Variants in GLIS3 observed in about 807,000 individuals in gnomAD.
The protein encoded by GLIS3 is GLIS family zinc finger 3, also known as zinc finger protein GLIS3.
A neutral mutation model predicts 78.6 loss-of-function variants in GLIS3; 53 were observed. The ratio of observed to expected loss-of-function variants is 0.67; its 90% CI spans 0.54 to 0.85. GLIS3 has a LOEUF of 0.85. GLIS3 is among the 40% of genes least tolerant of loss of function. The pLI is 0.00. For synonymous variants in GLIS3, 684 were observed against 509.9 expected, an observed-to-expected ratio of 1.34 and a Z score of -4.60; for missense variants, 1,703 against 1,231.1, an observed-to-expected ratio of 1.38 and a Z score of -5.74.
At position 3,922,034 on chromosome 9, in the gene GLIS3, G is replaced by C. The variant is rs1244431611; in HGVS notation, c.1983+10326C>G. Among the ~76,000 whole-genome samples, 5 of 151,990 alleles carry C rather than the reference G, an allele frequency of 3.3e-5. No homozygotes were observed. In the East Asian group the frequency reaches 9.6e-4, roughly 29 times the overall value. On this transcript the variant is annotated intron_variant, in intron 6 of 10. Coordinates refer to ENST00000381971, the MANE Select transcript of GLIS3 (RefSeq NM_001042413.2). Reference sequence around the variant, plus strand: ...TCAAACAAACTGTTACAAATTTTGGGGAAGTCATTTTGGCAATATGTTGTA... The same window carrying C: ...TCAAACAAACTGTTACAAATTTTGGCGAAGTCATTTTGGCAATATGTTGTA...
intron 4 of GLIS3, among the ~76,000 whole-genome samples, chr9:4,024,376 G>T (rs1588475814): frequency 6.6e-6 from 1 of 152,296 alleles, no homozygotes; most frequent in East Asian, 1.9e-4. Flanking sequence ...TGTGTGGATA[G>T]AATTTATTAT....
the GLIS3 span, among the ~76,000 whole-genome samples, chr9:4,476,047 C>T: frequency 6.6e-6 from 1 of 151,896 alleles, no homozygotes; most frequent in Non-Finnish European, 1.5e-5. Context: ...ACATGCCTGG[C>T]CTGATTATAT....
intron 2 of GLIS3, among the ~76,000 whole-genome samples, chr9:4,259,322 C>T (rs945096520): frequency 2.6e-5 from 4 of 151,782 alleles, no homozygotes; most frequent in African/African-American, 7.3e-5. Context: ...GCCCCCAGTC[C>T]ACTACTAGCA....
At chr9:3,974,726 G>A (rs1818639119) in intron 4 of GLIS3, among the ~76,000 whole-genome samples, 1 of 152,012 alleles carries the variant, frequency 6.6e-6, no homozygotes, top group Admixed American at 6.6e-5. Flanking sequence ...TGCAGCTGAG[G>A]GAGAATTAAA....
intron 4 of GLIS3, among the ~76,000 whole-genome samples, chr9:3,994,127 G>A (rs1820550424): frequency 6.6e-6 from 1 of 152,162 alleles, no homozygotes. Flanking sequence ...TTTGAGAACT[G>A]CTGTTCCAAA....
the GLIS3 span, among the ~76,000 whole-genome samples, chr9:4,456,232 T>C: frequency 6.6e-6 from 1 of 152,238 alleles, no homozygotes; most frequent in Non-Finnish European, 1.5e-5. Context: ...AATGATCATG[T>C]GAGCCCTCAG....
At chr9:4,008,003 C>G (rs182505258) in intron 4 of GLIS3, among the ~76,000 whole-genome samples, 1 of 152,050 alleles carries the variant, frequency 6.6e-6, no homozygotes, top group African/African-American at 2.4e-5. Flanking sequence ...ACCAGGGTTG[C>G]ATATCCACAC....
chr9:4,341,450 C>A (rs923119068), intron 2 of GLIS3, among the ~76,000 whole-genome samples: 1 of 152,216 alleles, frequency 6.6e-6, no homozygotes, highest in African/African-American at 2.4e-5. Flanking sequence ...GAAGACTTGT[C>A]TCATTTCACA....
intron 2 of GLIS3, among the ~76,000 whole-genome samples, chr9:4,228,198 C>CAAAAAA (rs59507597): frequency 4.7e-5 from 5 of 107,034 alleles, no homozygotes; most frequent in African/African-American, 1.5e-4. Flanking sequence ...TCTAAGGTGG[C>CAAAAAA]AAAAAAAAAA....
At position 4,080,026 on chromosome 9, in the gene GLIS3, C is replaced by G. The variant is rs79122871; in HGVS notation, c.1710+37742G>C. On this transcript the variant is annotated intron_variant, in intron 4 of 10. Coordinates refer to ENST00000381971, the MANE Select transcript of GLIS3 (RefSeq NM_001042413.2). Reference sequence around the variant, plus strand: ...CACAATGATTTAAGAAGGTGACATACAGGATCCATTTGGAAAATGCTATTG... The same window carrying G: ...CACAATGATTTAAGAAGGTGACATAGAGGATCCATTTGGAAAATGCTATTG... Among the ~76,000 whole-genome samples the G allele has an allele frequency of 3.1e-3, 467 of 152,296 alleles. 3 individuals are homozygous for G. Among genetic ancestry groups the G allele is most frequent in the Non-Finnish European group, 4.5e-3 (304 of 68,022 alleles).
chr9:4,074,796 T>C (rs772941922), intron 4 of GLIS3, among the ~76,000 whole-genome samples: 2 of 152,218 alleles, frequency 1.3e-5, no homozygotes, highest in Non-Finnish European at 2.9e-5. Flanking sequence ...AAAGCCACCA[T>C]GATCTTGGTA....
At chr9:4,405,006 C>A in the GLIS3 span, among the ~76,000 whole-genome samples, 2 of 151,932 alleles carry the variant, frequency 1.3e-5, no homozygotes, top group African/African-American at 4.8e-5. Context: ...AGGGGAGACC[C>A]AAATGAATAA....
the GLIS3 span, among the ~76,000 whole-genome samples, chr9:4,487,958 C>A: frequency 6.6e-6 from 1 of 152,258 alleles, no homozygotes; most frequent in South Asian, 2.1e-4. Context: ...TCCCAAACTG[C>A]TGGGAATATA....
intron 4 of GLIS3, among the ~76,000 whole-genome samples, chr9:4,086,316 G>A (rs2130726668): frequency 6.6e-6 from 1 of 152,266 alleles, no homozygotes; most frequent in Middle Eastern, 3.4e-3. Context: ...CTGGGGCAAT[G>A]AGTCATTCAT....
At chr9:3,969,952 G>A (rs867082875) in intron 4 of GLIS3, among the ~76,000 whole-genome samples, 35 of 152,294 alleles carry the variant, frequency 2.3e-4, no homozygotes, top group Middle Eastern at 6.8e-3. Context: ...CTTGCAACTT[G>A]GTGGACAAAT....
At chr9:4,256,108 A>G (rs986376373) in intron 2 of GLIS3, among the ~76,000 whole-genome samples, 1 of 152,172 alleles carries the variant, frequency 6.6e-6, no homozygotes, top group Admixed American at 6.5e-5. Flanking sequence ...TAAAATAACA[A>G]TGGTATTGGC....
chr9:4,251,014 T>G (rs910291753), intron 2 of GLIS3, among the ~76,000 whole-genome samples: 7 of 152,148 alleles, frequency 4.6e-5, no homozygotes, highest in East Asian at 1.9e-4. Flanking sequence ...CTGAGGAGTG[T>G]TTTACTTCCA....
At chr9:4,429,048 C>T in the GLIS3 span, among the ~76,000 whole-genome samples, 3 of 152,208 alleles carry the variant, frequency 2.0e-5, no homozygotes, top group Non-Finnish European at 4.4e-5. Context: ...ACCCTGCATC[C>T]ACTCTATCAG....
At chr9:4,273,958 G>C (rs143304038) in intron 2 of GLIS3, among the ~76,000 whole-genome samples, 1 of 152,286 alleles carries the variant, frequency 6.6e-6, no homozygotes, top group African/African-American at 2.4e-5. Flanking sequence ...TTGTTCATCA[G>C]CCTCATGAAA....
Sources: gnomAD v4.1 joint callset for allele counts (sites outside exome capture counted in the v4.1 genomes callset) on GRCh38, gnomAD v4.1.1 for gene constraint, MANE v1.5 for transcripts, NCBI Gene and HGNC (gene_info 2026-07-23, HGNC 2026-07-21) for gene names.